The following SVIL variants were observed in gnomAD, a reference collection of about 807,000 sequenced individuals.
SVIL encodes the protein supervillin, also known as archvillin.
In SVIL, 101 loss-of-function variants were observed where a neutral mutation model predicts 240.4. The observed-to-expected ratio is 0.42, with a 90% confidence interval of 0.36 to 0.50. SVIL has a LOEUF of 0.50. SVIL is among the 20% of genes least tolerant of loss of function. SVIL has a pLI of 0.01. For synonymous variants in SVIL, 999 were observed against 1,100.0 expected, an observed-to-expected ratio of 0.91 and a Z score of 1.82; for missense variants, 2,512 against 2,818.7, an observed-to-expected ratio of 0.89 and a Z score of 2.46.
At position 29,671,291 on chromosome 10, in the gene SVIL, A is replaced by G. The variant is rs182064854; in HGVS notation, c.-300-13223T>C. On this transcript the variant is annotated intron_variant, in intron 2 of 35. Coordinates refer to the SVIL transcript ENST00000375400. ...CTCCTCTTAGTCACGTAGCCCCGGG[A>G]TAGATGCCTTCAACAGCTTCCCAAT... 2.0e-3 allele frequency among the ~76,000 whole-genome samples: 299 copies of G among 152,272 alleles called. 2 individuals are homozygous for G. Among genetic ancestry groups the G allele is most frequent in the African/African-American group, 7.1e-3 (294 of 41,548 alleles).
chr10:29,726,948 C>A (rs1229297354), intron 1 of SVIL, among the ~76,000 whole-genome samples: 2 of 152,054 alleles, frequency 1.3e-5, no homozygotes, highest in African/African-American at 4.8e-5. Flanking sequence ...AATGTATCCG[C>A]CACTGTAAGC....
At chr10:29,475,101 C>T (rs1438921396) in intron 29 of SVIL, among the ~76,000 whole-genome samples, 1 of 152,250 alleles carries the variant, frequency 6.6e-6, no homozygotes, top group Non-Finnish European at 1.5e-5. Context: ...TCATGGCTTA[C>T]TGCAGCCTTA....
chr10:29,574,391 G>T (rs73596055), intron 1 of SVIL, among the ~76,000 whole-genome samples: 8,781 of 152,078 alleles, frequency 0.058, 731 homozygotes, highest in African/African-American at 0.18. Context: ...ATCGGGCCAT[G>T]GTACATGCCA....
intron 2 of SVIL, among the ~76,000 whole-genome samples, chr10:29,566,372 TC>T (rs1954961018): frequency 6.6e-6 from 1 of 152,162 alleles, no homozygotes; most frequent in Non-Finnish European, 1.5e-5. Context: ...GCTGCCTCTC[TC>T]CCCTGCTCCC....
At chr10:29,527,470 AGGCTGGAGTGCAGT>A (rs1490980359) in intron 12 of SVIL, among the ~76,000 whole-genome samples, 2 of 152,124 alleles carry the variant, frequency 1.3e-5, no homozygotes, top group Non-Finnish European at 2.9e-5. Flanking sequence ...CTCTGTCACC[AGGCTGGAGTGCAGT>A]GGCATGATCT....
chr10:29,702,940 T>C (rs1459352379), intron 1 of SVIL, among the ~76,000 whole-genome samples: 4 of 152,318 alleles, frequency 2.6e-5, no homozygotes, highest in African/African-American at 9.6e-5. Context: ...CTTCACAGGC[T>C]GCCTCACAAA....
At position 29,589,203 on chromosome 10, in the gene SVIL, G is replaced by A. The variant is rs117710114; in HGVS notation, c.-200-19891C>T. Among the ~76,000 whole-genome samples, 288 of 152,360 alleles carry A rather than the reference G, an allele frequency of 1.9e-3. 3 individuals carry two copies. The highest frequency in any genetic ancestry group is 0.017 in the Middle Eastern group (5 of 294). ...GTCCTCCAGCTCTGTGGAAAGCAGCGTTGGGAAACGGAGTTTTAAGTAACA... is the reference window on the plus strand; with the variant it reads ...GTCCTCCAGCTCTGTGGAAAGCAGCATTGGGAAACGGAGTTTTAAGTAACA... On this transcript the variant is annotated intron_variant, in intron 1 of 37. Transcript: ENST00000355867.
chr10:29,550,793 G>T lies in SVIL; in HGVS notation c.631C>A (p.Leu211Met). 1 of 1,614,146 alleles carries T rather than the reference G, an allele frequency of 6.2e-7. No homozygotes were observed. Among genetic ancestry groups the T allele is most frequent in the South Asian group, 1.1e-5 (1 of 91,078 alleles). Residue 211 changes from leucine (L) to methionine (M), a missense_variant, in exon 6 of 38, where the codon CTG (leucine) becomes ATG (methionine). Physicochemically the swap from Leu to Met is conservative, Grantham distance 15 (BLOSUM62 2). Coordinates refer to ENST00000355867, the MANE Select transcript of SVIL (RefSeq NM_021738.3). Reference protein sequence around the residue: ...NIENQRRGQELSATRQAHDLS... With the variant: ...NIENQRRGQEMSATRQAHDLS... ...TCATGGGCCTGCCGGGTGGCACTCA[G>T]CTCTTGACCTCGTCTTTGGTTTTCT...
intron 29 of SVIL, among the ~76,000 whole-genome samples, chr10:29,477,719 A>G (rs1401439082): frequency 6.6e-6 from 1 of 152,214 alleles, no homozygotes; most frequent in Non-Finnish European, 1.5e-5. Flanking sequence ...TGGAATCTGA[A>G]TGCTCCCTGC....
intron 1 of SVIL, among the ~76,000 whole-genome samples, chr10:29,715,266 C>G (rs1373151683): frequency 6.6e-6 from 1 of 152,204 alleles, no homozygotes; most frequent in Admixed American, 6.5e-5. Flanking sequence ...ATTCAACACA[C>G]AAACCACCCA....
chr10:29,487,186 C>T lies in SVIL; in HGVS notation c.4462G>A (p.Ala1488Thr). ...ACCTTCGCCTTTTCTATGACGTTTG[C>T]AAACTCTCCTACCCACAGGAAGCAG... Reference protein sequence around the residue: ...HCCFLWVGEFANVIEKAKASE... With the variant: ...HCCFLWVGEFTNVIEKAKASE... The change falls in exon 24 of 38, where the codon GCA (alanine) becomes ACA (threonine). Residue 1488 changes from alanine to threonine, a missense_variant. Transcript: ENST00000355867. 2 of 1,613,878 alleles carry T rather than the reference C, an allele frequency of 1.2e-6. No individual in the cohort carries two copies. The highest frequency in any genetic ancestry group is 1.3e-5 in the African/African-American group (1 of 75,014).
At chr10:29,585,516 T>C (rs1956129673) in intron 1 of SVIL, among the ~76,000 whole-genome samples, 1 of 151,774 alleles carries the variant, frequency 6.6e-6, no homozygotes, top group Non-Finnish European at 1.5e-5. Context: ...GAGGAGAAAG[T>C]GAATTTGTGC....
chr10:29,570,528 A>G (rs1170298228), intron 1 of SVIL, among the ~76,000 whole-genome samples: 3 of 152,266 alleles, frequency 2.0e-5, no homozygotes, highest in Non-Finnish European at 2.9e-5. Flanking sequence ...CTGTGCTGGA[A>G]GAAAGCCACT....
At chr10:29,730,711 C>T (rs1409177478) in intron 1 of SVIL, among the ~76,000 whole-genome samples, 1 of 152,174 alleles carries the variant, frequency 6.6e-6, no homozygotes, top group East Asian at 1.9e-4. Flanking sequence ...TCTGAAGCAA[C>T]AGCAGTTTCC....
intron 11 of SVIL, among the ~76,000 whole-genome samples, chr10:29,530,166 C>T (rs1951254800): frequency 6.6e-6 from 1 of 151,950 alleles, no homozygotes; most frequent in African/African-American, 2.4e-5. Context: ...AGAGTGAGAC[C>T]CTATCTCTAA....
chr10:29,531,736 C>T (rs1367164003), intron 9 of SVIL, among the ~76,000 whole-genome samples: 3 of 152,116 alleles, frequency 2.0e-5, no homozygotes, highest in East Asian at 1.9e-4. Context: ...AACATTAAAA[C>T]CATTAAATAA....
At chr10:29,694,143 G>A (rs569575173) in intron 1 of SVIL, among the ~76,000 whole-genome samples, 4 of 150,348 alleles carry the variant, frequency 2.7e-5, no homozygotes, top group Non-Finnish European at 4.4e-5. Flanking sequence ...TATTGGCAGG[G>A]TAGTGCTTTG....
chr10:29,704,593 T>A (rs558063405), intron 1 of SVIL, among the ~76,000 whole-genome samples: 1 of 152,344 alleles, frequency 6.6e-6, no homozygotes, highest in South Asian at 2.1e-4. Context: ...TAGGTCTCAA[T>A]AATTTCTTCA....
intron 17 of SVIL, among the ~76,000 whole-genome samples, chr10:29,507,570 C>T (rs1448152593): frequency 9.5e-6 from 1 of 105,034 alleles, no homozygotes; most frequent in Non-Finnish European, 2.2e-5. Flanking sequence ...GATACACACT[C>T]TCATGGACAC....
Sources: allele counts gnomAD v4.1 joint callset (sites outside exome capture counted in the v4.1 genomes callset), GRCh38; gene constraint gnomAD v4.1.1; transcripts MANE v1.5; gene names NCBI Gene and HGNC (gene_info 2026-07-23, HGNC 2026-07-21).